TACC2: variants seen among roughly 807,000 people sequenced by gnomAD.
The protein encoded by TACC2 is transforming acidic coiled-coil-containing protein 2.
In TACC2, 137 loss-of-function variants were observed where a neutral mutation model predicts 227.3. That is an observed-to-expected ratio of 0.60 (90% confidence interval 0.52 to 0.69). The LOEUF (loss-of-function observed/expected upper bound fraction) is 0.69, where lower values mean the gene tolerates loss of function less well. Ranked by LOEUF, TACC2 falls within the 30% of genes least tolerant of loss-of-function variation. The probability of loss-of-function intolerance (pLI) is 0.00; values close to 1 mark genes in which losing one functional copy is unlikely to be tolerated. For missense variants in TACC2, 3,470 were observed against 3,694.4 expected, an observed-to-expected ratio of 0.94 and a Z score of 1.57; for synonymous variants, 1,523 against 1,487.5, an observed-to-expected ratio of 1.02 and a Z score of -0.55.
chr10:122,075,824 G>A (rs2078731460), intron 3 of TACC2, among the ~76,000 whole-genome samples: 1 of 152,054 alleles, frequency 6.6e-6, no homozygotes, highest in Non-Finnish European at 1.5e-5. Context: ...GTTGAGACAG[G>A]GTCTTGCTCT....
At chr10:122,032,832 AC>A (rs1197984787) in intron 2 of TACC2, among the ~76,000 whole-genome samples, 1 of 151,990 alleles carries the variant, frequency 6.6e-6, no homozygotes, top group Non-Finnish European at 1.5e-5. Context: ...GGTGGCATGC[AC>A]CTGTAATCCC....
At chr10:122,221,560 C>T (rs562637770) in intron 11 of TACC2, among the ~76,000 whole-genome samples, 122 of 152,276 alleles carry the variant, frequency 8.0e-4, no homozygotes, top group Middle Eastern at 3.4e-3. Flanking sequence ...GTCTCTGTCA[C>T]ACTGCAGACA....
intron 7 of TACC2, chr10:122,192,308 G>A (rs2094436226): frequency 4.5e-6 from 1 of 224,462 alleles, no homozygotes; most frequent in Non-Finnish European, 9.1e-6. Flanking sequence ...CTGAGCAGGT[G>A]CACAGGCTGG....
At chr10:122,045,946 G>T (rs147823597) in intron 2 of TACC2, among the ~76,000 whole-genome samples, 1 of 8,752 alleles carries the variant, frequency 1.1e-4, no homozygotes, top group South Asian at 7.9e-3. Flanking sequence ...AGGCCAAGGC[G>T]CATGGATCAC....
intron 18 of TACC2, among the ~76,000 whole-genome samples, chr10:122,240,601 C>T (rs1589873648): frequency 1.3e-5 from 2 of 152,202 alleles, no homozygotes; most frequent in Admixed American, 6.5e-5. Context: ...CCATGAATGT[C>T]GTGCTCAGGG....
intron 16 of TACC2, among the ~76,000 whole-genome samples, chr10:122,234,207 G>T (rs533564637): frequency 1.3e-5 from 2 of 152,350 alleles, no homozygotes; most frequent in South Asian, 4.1e-4. Flanking sequence ...GCAGGGAACT[G>T]TCGACAAGGG....
At chr10:122,183,503 G>T (rs1289591311) in intron 7 of TACC2, among the ~76,000 whole-genome samples, 1 of 152,168 alleles carries the variant, frequency 6.6e-6, no homozygotes, top group Non-Finnish European at 1.5e-5. Flanking sequence ...AAGAATCTCA[G>T]GCCTTTGCAG....
At chr10:122,157,224 T>C (rs2092547448) in intron 7 of TACC2, among the ~76,000 whole-genome samples, 1 of 152,194 alleles carries the variant, frequency 6.6e-6, no homozygotes, top group Non-Finnish European at 1.5e-5. Flanking sequence ...CCCTTTGTGT[T>C]CTCTTATGTA....
chr10:122,249,339 G>A (rs910376445), intron 21 of TACC2, among the ~76,000 whole-genome samples, 183 bp downstream of exon 21: 4 of 152,212 alleles, frequency 2.6e-5, no homozygotes, highest in Non-Finnish European at 4.4e-5. Context: ...TGGAGGATGC[G>A]TGTTGCAATG....
rs201905665 is a variant in TACC2, at chr10:122,210,506, C to T, written c.6081C>T (p.Asp2027=). ...CCTTCTCTGCCGTCTTCGATGAAGA[C>T]AAGCCGATAGCCAGCAGTGGGACTT... is the stretch of plus-strand genomic sequence containing the variant. ...SHSFSAVFDE[D]KPIASSGTYN... The change falls in exon 9 of 23, where the codon GAC becomes GAT. Residue 2027 remains aspartate, a synonymous_variant. Coordinates refer to ENST00000369005, the MANE Select transcript of TACC2 (RefSeq NM_206862.4). This position sits in a 1 kb window ranked among gnomAD's most constrained non-coding sequence, Gnocchi z 4.6. 4.5e-6 allele frequency: 7 copies of T among 1,560,482 alleles called. No homozygotes were observed. Among genetic ancestry groups the T allele is most frequent in the Non-Finnish European group, 6.0e-6 (7 of 1,159,500 alleles).
intron 3 of TACC2, among the ~76,000 whole-genome samples, chr10:122,053,602 G>A (rs914438568): frequency 4.6e-5 from 7 of 152,060 alleles, no homozygotes; most frequent in African/African-American, 1.2e-4. Context: ...CTCCACAACC[G>A]TAGGCAGGAG....
chr10:122,113,921 C>T (rs1255998699), intron 5 of TACC2, among the ~76,000 whole-genome samples: 1 of 152,242 alleles, frequency 6.6e-6, no homozygotes, highest in African/African-American at 2.4e-5. Flanking sequence ...ATTTGCTGCC[C>T]AGGCTCCGAG....
intron 16 of TACC2, among the ~76,000 whole-genome samples, chr10:122,230,742 G>A (rs2141442010): frequency 6.6e-6 from 1 of 152,238 alleles, no homozygotes; most frequent in South Asian, 2.1e-4. Context: ...AAGTTGGATA[G>A]AAAACTGGTT....
chr10:122,200,953 C>T (rs1442989590), intron 8 of TACC2, among the ~76,000 whole-genome samples: 1 of 148,710 alleles, frequency 6.7e-6, no homozygotes, highest in South Asian at 2.1e-4. Flanking sequence ...ACCTCACCCG[C>T]CCACAGTGGC....
intron 7 of TACC2, among the ~76,000 whole-genome samples, chr10:122,171,927 TGGGG>T (rs2093492649): frequency 5.3e-5 from 8 of 152,222 alleles, no homozygotes; most frequent in Non-Finnish European, 1.0e-4. Context: ...TACATCTCCT[TGGGG>T]ATGTTCTAGA....
Position 122,103,833 on chromosome 10 carries a change from G to T in TACC2, c.5573+15242G>T, listed in dbSNP as rs963785928. Among the ~76,000 whole-genome samples the T allele has an allele frequency of 2.0e-5, 3 of 152,174 alleles. No individual in the cohort carries two copies. The East Asian group carries it at 5.8e-4, about 29-fold the overall frequency. On this transcript the variant is annotated intron_variant, in intron 5 of 22. Coordinates refer to ENST00000369005, the MANE Select transcript of TACC2 (RefSeq NM_206862.4). Reference sequence around the variant, plus strand: ...GGAGGACGATGAGCACTGGACTGGGGTCAACCTAGTGGAGGCCCAGCCGAC... The same window carrying T: ...GGAGGACGATGAGCACTGGACTGGGTTCAACCTAGTGGAGGCCCAGCCGAC...
chr10:122,216,290 T>G (rs1019074266), intron 10 of TACC2, among the ~76,000 whole-genome samples: 1 of 152,162 alleles, frequency 6.6e-6, no homozygotes, highest in Non-Finnish European at 1.5e-5. Flanking sequence ...GATATTGATG[T>G]GCAGGCCTGA....
At chr10:122,178,061 A>G (rs888140923) in intron 7 of TACC2, among the ~76,000 whole-genome samples, 2 of 152,150 alleles carry the variant, frequency 1.3e-5, no homozygotes, top group African/African-American at 4.8e-5. Context: ...TGGCTTATAA[A>G]TAACATAAAT....
intron 5 of TACC2, among the ~76,000 whole-genome samples, chr10:122,110,548 G>A (rs530164829): frequency 5.9e-5 from 9 of 152,274 alleles, no homozygotes; most frequent in African/African-American, 2.2e-4. Flanking sequence ...TGGGACTATG[G>A]CTGTGTCCGA....
Sources: allele counts gnomAD v4.1 joint callset (sites outside exome capture counted in the v4.1 genomes callset), GRCh38; gene constraint gnomAD v4.1.1; non-coding constraint Gnocchi (gnomAD v3.1); transcripts MANE v1.5; gene names NCBI Gene and HGNC (gene_info 2026-07-23, HGNC 2026-07-21).